Variants in FUT9 observed in about 807,000 individuals in gnomAD.
The protein encoded by FUT9 is 4-galactosyl-N-acetylglucosaminide 3-alpha-L-fucosyltransferase 9.
Under a neutral mutation model 29.7 loss-of-function variants are expected in FUT9, and 15 were observed. The ratio of observed to expected loss-of-function variants is 0.51; its 90% CI spans 0.34 to 0.78. The LOEUF (loss-of-function observed/expected upper bound fraction) is 0.78. FUT9 is among the 30% of genes least tolerant of loss of function. FUT9 has a pLI of 0.01. For missense variants in FUT9, 319 were observed against 425.4 expected, an observed-to-expected ratio of 0.75 and a Z score of 2.20; for synonymous variants, 169 against 153.7, an observed-to-expected ratio of 1.10 and a Z score of -0.74.
At chr6:96,195,728 A>G (rs752365256) in intron 2 of FUT9, among the ~76,000 whole-genome samples, 9 of 152,204 alleles carry the variant, frequency 5.9e-5, no homozygotes, top group Non-Finnish European at 1.3e-4. Flanking sequence ...TAGCATAAAA[A>G]TTGTAGCCAG....
intron 2 of FUT9, among the ~76,000 whole-genome samples, chr6:96,177,511 G>A (rs533733449): frequency 6.6e-4 from 100 of 152,174 alleles, no homozygotes; most frequent in Middle Eastern, 6.9e-3. Flanking sequence ...TAAAAAAACA[G>A]AAAACCTATC....
intron 1 of FUT9, among the ~76,000 whole-genome samples, chr6:96,045,423 G>A (rs554917652): frequency 3.3e-4 from 51 of 152,280 alleles, no homozygotes; most frequent in African/African-American, 1.2e-3. Flanking sequence ...GTTGTTCCAT[G>A]TGCCACATAC....
chr6:96,177,715 G>T (rs1422265815), intron 2 of FUT9, among the ~76,000 whole-genome samples: 1 of 151,908 alleles, frequency 6.6e-6, no homozygotes, highest in African/African-American at 2.4e-5. Context: ...CCAGCCCCTG[G>T]GTAAGTCAGG....
intron 2 of FUT9, among the ~76,000 whole-genome samples, chr6:96,135,996 A>G (rs1772341578): frequency 6.6e-6 from 1 of 150,862 alleles, no homozygotes; most frequent in Non-Finnish European, 1.5e-5. Context: ...CCCATTGCCA[A>G]AGAAATGACT....
At chr6:96,161,153 G>C (rs1272862977) in intron 2 of FUT9, among the ~76,000 whole-genome samples, 1 of 152,132 alleles carries the variant, frequency 6.6e-6, no homozygotes, top group East Asian at 1.9e-4. Context: ...GTTTATATCT[G>C]CCCCAAATTT....
At chr6:96,058,755 T>G (rs1770821631) in intron 1 of FUT9, among the ~76,000 whole-genome samples, 1 of 152,168 alleles carries the variant, frequency 6.6e-6, no homozygotes, top group Non-Finnish European at 1.5e-5. Context: ...CAATCTTACC[T>G]CATGTTGTTT....
chr6:96,116,272 A>G (rs1205913361), intron 2 of FUT9, among the ~76,000 whole-genome samples: 2 of 152,200 alleles, frequency 1.3e-5, no homozygotes, highest in Non-Finnish European at 2.9e-5. Context: ...AAATCTAACA[A>G]TATCAAATAT....
At chr6:96,121,207 CTACTT>C (rs1772021153) in intron 2 of FUT9, among the ~76,000 whole-genome samples, 1 of 152,114 alleles carries the variant, frequency 6.6e-6, no homozygotes. Context: ...ATAATAGTGA[CTACTT>C]TAAATTCTTT....
intron 2 of FUT9, among the ~76,000 whole-genome samples, chr6:96,121,565 G>A (rs1772028921): frequency 6.6e-6 from 1 of 152,004 alleles, no homozygotes; most frequent in African/African-American, 2.4e-5. Flanking sequence ...TATTAACCCC[G>A]TGGGCTTTCT....
At chr6:96,143,897 C>T (rs745525982) in intron 2 of FUT9, among the ~76,000 whole-genome samples, 1 of 145,292 alleles carries the variant, frequency 6.9e-6, no homozygotes, top group Non-Finnish European at 1.6e-5. Flanking sequence ...TTATTCCACA[C>T]CACCCAACTG....
intron 2 of FUT9, among the ~76,000 whole-genome samples, chr6:96,135,643 C>G (rs912355082): frequency 1.3e-5 from 2 of 151,566 alleles, no homozygotes; most frequent in Non-Finnish European, 3.0e-5. Context: ...AAAAAGGTAC[C>G]GGGGGAGAAA....
intron 2 of FUT9, among the ~76,000 whole-genome samples, chr6:96,160,485 G>A (rs1445359604): frequency 6.6e-6 from 1 of 152,120 alleles, no homozygotes; most frequent in Non-Finnish European, 1.5e-5. Flanking sequence ...GAAACAATTG[G>A]TAAGTGTAGT....
intron 1 of FUT9, among the ~76,000 whole-genome samples, chr6:96,069,958 A>T (rs892655465): frequency 1.4e-4 from 21 of 152,094 alleles, no homozygotes; most frequent in African/African-American, 4.8e-4. Flanking sequence ...AAACACAGCT[A>T]AAAAAACACA....
intron 2 of FUT9, among the ~76,000 whole-genome samples, chr6:96,166,097 T>G (rs1313102608): frequency 6.6e-6 from 1 of 151,952 alleles, no homozygotes; most frequent in Non-Finnish European, 1.5e-5. Context: ...AAGTAAAAAT[T>G]TTTAAAACAA....
chr6:96,076,027 CTA>C (rs1771137651), intron 1 of FUT9, among the ~76,000 whole-genome samples: 1 of 152,072 alleles, frequency 6.6e-6, no homozygotes, highest in African/African-American at 2.4e-5. Context: ...CTATTATTTA[CTA>C]TAAATAATGA....
chr6:96,082,751 T>C (rs1771257879), intron 1 of FUT9, among the ~76,000 whole-genome samples: 1 of 151,974 alleles, frequency 6.6e-6, no homozygotes, highest in Admixed American at 6.6e-5. Context: ...GCATCGTTAA[T>C]ATATTCAGCC....
At chr6:96,131,459 C>A (rs1193086309) in intron 2 of FUT9, among the ~76,000 whole-genome samples, 1 of 152,054 alleles carries the variant, frequency 6.6e-6, no homozygotes, top group African/African-American at 2.4e-5. Context: ...CACATACACA[C>A]GAACACACAC....
At chr6:96,035,491 A>T (rs997300996) in intron 1 of FUT9, among the ~76,000 whole-genome samples, 1 of 150,662 alleles carries the variant, frequency 6.6e-6, no homozygotes, top group Non-Finnish European at 1.5e-5. Flanking sequence ...CTCTTAATAC[A>T]TGCATACAAC....
intron 1 of FUT9, among the ~76,000 whole-genome samples, chr6:96,099,297 T>C (rs957033500): frequency 7.9e-5 from 12 of 152,158 alleles, no homozygotes; most frequent in African/African-American, 2.7e-4. Context: ...ACATATGGAA[T>C]GTGTGACTTG....
Sources: allele counts gnomAD v4.1 joint callset (sites outside exome capture counted in the v4.1 genomes callset), GRCh38; gene constraint gnomAD v4.1.1; transcripts MANE v1.5; gene names NCBI Gene and HGNC (gene_info 2026-07-23, HGNC 2026-07-21).